The following VWA5B1 variants were observed in gnomAD, a reference collection of about 807,000 sequenced individuals.
VWA5B1 encodes the protein von Willebrand factor A domain-containing protein 5B1.
Under a neutral mutation model 118.2 loss-of-function variants are expected in VWA5B1, and 115 were observed. The ratio of observed to expected loss-of-function variants is 0.97; its 90% CI spans 0.84 to 1.14. The LOEUF (loss-of-function observed/expected upper bound fraction) is 1.14. VWA5B1 is among the 50% of genes most tolerant of loss of function. VWA5B1 has a pLI of 0.00. For synonymous variants in VWA5B1, 682 were observed against 658.4 expected, an observed-to-expected ratio of 1.04 and a Z score of -0.55; for missense variants, 1,596 against 1,603.8, an observed-to-expected ratio of 1.00 and a Z score of 0.08.
At chr1:20,340,430 C>G (rs1388886772) in intron 14 of VWA5B1, among the ~76,000 whole-genome samples, 1 of 152,154 alleles carries the variant, frequency 6.6e-6, no homozygotes, top group Admixed American at 6.5e-5. Context: ...CCAGTCCCCT[C>G]CTTCTCCCAC....
Position 20,356,426 on chromosome 1 carries a change from G to A in VWA5B1, c.*2163G>A, listed in dbSNP as rs2090230778. Among the ~76,000 whole-genome samples, 1 of 152,116 alleles carries A rather than the reference G, an allele frequency of 6.6e-6. No homozygotes were observed. Among genetic ancestry groups the A allele is most frequent in the African/African-American group, 2.4e-5 (1 of 41,392 alleles). On this transcript the variant is annotated 3_prime_UTR_variant, in exon 22 of 22. Transcript: ENST00000289815. ...CTTGAACAAGTGGCGTGTGTGTTCT[G>A]GGCCTCTTTCTTCCTCTACATAACC...
chr1:20,337,920 G>T, intron 14 of VWA5B1, 84 bp downstream of exon 14: 1 of 1,518,226 alleles, frequency 6.6e-7, no homozygotes. Context: ...ACCGCAGGAC[G>T]TGGCCATCCA....
At chr1:20,296,295 C>T (rs1158528047) in intron 1 of VWA5B1, among the ~76,000 whole-genome samples, 1 of 152,188 alleles carries the variant, frequency 6.6e-6, no homozygotes, top group South Asian at 2.1e-4. Context: ...ACCCAATACC[C>T]ATGTCCATCA....
At chr1:20,318,813 A>C (rs2089113361) in intron 6 of VWA5B1, 92 bp downstream of exon 6, 8 of 1,408,626 alleles carry the variant, frequency 5.7e-6, no homozygotes, top group Non-Finnish European at 7.4e-6. Context: ...CCCGCCCAGC[A>C]GCTAGCTAGC....
At chr1:20,348,686 C>T (rs1022861550) in intron 18 of VWA5B1, among the ~76,000 whole-genome samples, 1 of 152,242 alleles carries the variant, frequency 6.6e-6, no homozygotes, top group Non-Finnish European at 1.5e-5. Context: ...TCCTCCCAGG[C>T]ACCAACTGCC....
rs2089753605 is a variant in VWA5B1 at position 20,337,608 on chromosome 1, T to C, written c.1943-38T>C. The C allele has an allele frequency of 2.6e-6, 4 of 1,525,482 alleles. No individual in the cohort carries two copies. The East Asian group carries it at 9.9e-5, about 38-fold the overall frequency. The allele number at this position is 1,525,482 out of a possible 1,614,324, so 94.5% of individuals were successfully genotyped here. A position where few individuals can be genotyped will look rare whatever the true frequency, so the allele number is the denominator to read the frequency against. On this transcript the variant is annotated intron_variant, in intron 13 of 21. Coordinates refer to ENST00000289815, the MANE Select transcript of VWA5B1 (RefSeq NM_001039500.3). ...TGCAAGCCCCACTCTTTCCCTGCTGTCCCACTCTGATGGTTCCCCATCACT... is the reference window on the plus strand; with the variant it reads ...TGCAAGCCCCACTCTTTCCCTGCTGCCCCACTCTGATGGTTCCCCATCACT...
At chr1:20,332,743 T>G in intron 11 of VWA5B1, 23 bp from the exon 12 acceptor site, 1 of 1,549,638 alleles carries the variant, frequency 6.5e-7, no homozygotes, top group East Asian at 2.4e-5. Context: ...ATCCCCCAAC[T>G]GCATTCTGAC....
chr1:20,353,191 A>C (rs2090163475), intron 21 of VWA5B1, among the ~76,000 whole-genome samples: 3 of 152,202 alleles, frequency 2.0e-5, no homozygotes, highest in Non-Finnish European at 4.4e-5. Flanking sequence ...AGAGGGTAAG[A>C]GTCAACGATT....
chr1:20,298,337 C>A (rs2088445920), intron 1 of VWA5B1, among the ~76,000 whole-genome samples: 1 of 152,084 alleles, frequency 6.6e-6, no homozygotes, highest in African/African-American at 2.4e-5. Flanking sequence ...GTAAGCTGGT[C>A]AGGGGCTACA....
Position 20,323,147 on chromosome 1 carries a change from C to A in VWA5B1, c.967-209C>A, listed in dbSNP as rs185669874. ...ATGGTGACAGAGCTGGGATTCAAAC[C>A]CAAGTCTTTCTGTCTGCAAAGTCCA... On this transcript the variant is annotated intron_variant, in intron 7 of 21. Coordinates refer to ENST00000289815, the MANE Select transcript of VWA5B1 (RefSeq NM_001039500.3). 29 of 397,212 alleles carry A rather than the reference C, an allele frequency of 7.3e-5. No individual in the cohort carries two copies. The East Asian group carries it at 1.0e-3, about 14-fold the overall frequency. The allele number at this position is 397,212 out of a possible 1,614,324, so 24.6% of individuals were successfully genotyped here.
At chr1:20,342,314 G>T in intron 14 of VWA5B1, 118 bp from the exon 15 acceptor site, 1 of 1,062,740 alleles carries the variant, frequency 9.4e-7, no homozygotes, top group Non-Finnish European at 1.4e-6. Flanking sequence ...CTGGTGGGGT[G>T]GGGGTGGGGG....
rs148730823 is a variant in VWA5B1, at chr1:20,320,420, A to G, written c.966+914A>G. Among the ~76,000 whole-genome samples, 482 of 152,328 alleles carry G rather than the reference A, an allele frequency of 3.2e-3. 3 individuals are homozygous for G. The highest frequency in any genetic ancestry group is 0.011 in the African/African-American group (463 of 41,568). ...CCCCCCTAGAAGCACATGCTCTCCC[A>G]GAGGTGCCCCTCAGCCAGATGAGTC... On this transcript the variant is annotated intron_variant, in intron 7 of 21. Coordinates refer to ENST00000289815, the MANE Select transcript of VWA5B1 (RefSeq NM_001039500.3).
intron 1 of VWA5B1, among the ~76,000 whole-genome samples, chr1:20,304,875 T>C (rs1186420974): frequency 6.6e-6 from 1 of 152,152 alleles, no homozygotes; most frequent in Non-Finnish European, 1.5e-5. Flanking sequence ...CGAGCCTTGG[T>C]ATTTTCATTT....
chr1:20,354,571 G>T lies in VWA5B1; in HGVS notation c.*308G>T. The T allele has an allele frequency of 2.8e-6, 1 of 362,578 alleles. No individual in the cohort carries two copies. The highest frequency in any genetic ancestry group is 5.0e-6 in the Non-Finnish European group (1 of 198,406). 22.5% of individuals were successfully genotyped at this position (362,578 alleles called of 1,614,324 possible). On this transcript the variant is annotated 3_prime_UTR_variant, in exon 22 of 22. Coordinates refer to ENST00000289815, the MANE Select transcript of VWA5B1 (RefSeq NM_001039500.3). Reference sequence around the variant, plus strand: ...TGGTTCCTTTCTGCCCATTCAGGCAGTCCCGGGCTGACTGCTGCTGGGGCT... The same window carrying T: ...TGGTTCCTTTCTGCCCATTCAGGCATTCCCGGGCTGACTGCTGCTGGGGCT...
chr1:20,357,550 TG>T lies in VWA5B1; in HGVS notation c.*3289del, dbSNP rs1490665749. Among the ~76,000 whole-genome samples the T allele has an allele frequency of 6.6e-6, 1 of 152,244 alleles. No homozygotes were observed. The highest frequency in any genetic ancestry group is 1.5e-5 in the Non-Finnish European group (1 of 68,038). On this transcript the variant is annotated 3_prime_UTR_variant, in exon 22 of 22. Coordinates refer to ENST00000289815, the MANE Select transcript of VWA5B1 (RefSeq NM_001039500.3). ...ATCTCTCTTAGGGCTCCTGCGGCAC[TG>T]GCGTTCAGAAAGCCTTTACTGGGTG...
intron 1 of VWA5B1, among the ~76,000 whole-genome samples, chr1:20,309,025 C>T (rs2088759060): frequency 6.6e-6 from 1 of 152,146 alleles, no homozygotes; most frequent in Non-Finnish European, 1.5e-5. Context: ...GCTTCCCATT[C>T]CCACCCCACT....
rs751997849 is a variant in VWA5B1, at chr1:20,310,628, G to A, written c.27G>A (p.Thr9=). The part of the protein sequence containing the change: MPGLLNWI[T]GAALPLTASD... The stretch of plus-strand genomic sequence containing the variant: ...TGCCCGGCTTGCTGAATTGGATCAC[G>A]GGGGCAGCCCTGCCCCTCACCGCGT... Residue 9 remains threonine, a synonymous_variant, in exon 2 of 22, where the codon ACG becomes ACA. Coordinates refer to ENST00000289815, the MANE Select transcript of VWA5B1 (RefSeq NM_001039500.3). The A allele has an allele frequency of 2.6e-6, 4 of 1,545,304 alleles. No homozygotes were observed. Among genetic ancestry groups the A allele is most frequent in the East Asian group, 2.5e-5 (1 of 40,444 alleles).
In VWA5B1 at chr1:20,358,000, G is replaced by A. The variant is rs1175517744; in HGVS notation, c.*3737G>A. On this transcript the variant is annotated 3_prime_UTR_variant, in exon 22 of 22. Coordinates refer to ENST00000289815, the MANE Select transcript of VWA5B1 (RefSeq NM_001039500.3). ...ATGCAGATGCAGAACCCTGTCTCAG[G>A]CCCCTCAGCTCGAGACCAACTCCAG... Among the ~76,000 whole-genome samples, 1 of 152,144 alleles carries A rather than the reference G, an allele frequency of 6.6e-6. No individual in the cohort carries two copies. Among genetic ancestry groups the A allele is most frequent in the Non-Finnish European group, 1.5e-5 (1 of 68,014 alleles).
intron 2 of VWA5B1, among the ~76,000 whole-genome samples, chr1:20,311,788 AG>A (rs1183220984): frequency 6.6e-6 from 1 of 152,078 alleles, no homozygotes; most frequent in Non-Finnish European, 1.5e-5. Flanking sequence ...GGCTACCCTG[AG>A]GACCAACACT....
Sources: allele counts gnomAD v4.1 joint callset (sites outside exome capture counted in the v4.1 genomes callset), GRCh38; gene constraint gnomAD v4.1.1; transcripts MANE v1.5; gene names NCBI Gene and HGNC (gene_info 2026-07-23, HGNC 2026-07-21).